Variants in KAZN observed in about 807,000 individuals in gnomAD.
KAZN encodes the protein kazrin.
KAZN carries 40 observed loss-of-function variants against 87.4 expected under a neutral mutation model. That is an observed-to-expected ratio of 0.46 (90% CI 0.36 to 0.60). The LOEUF is 0.60. Among genes scored for constraint, KAZN ranks in the 20% least tolerant of loss-of-function variants. The pLI is 0.00. For synonymous variants in KAZN, 466 were observed against 458.3 expected (o/e 1.02, Z -0.22); for missense variants, 898 against 1,073.9 (o/e 0.84, Z 2.29).
At chr1:14,159,156 T>A (rs7533748) in intron 1 of KAZN, among the ~76,000 whole-genome samples, 1 of 152,068 alleles carries the variant, frequency 6.6e-6, no homozygotes, top group South Asian at 2.1e-4. Context: ...AATCTGAAGA[T>A]AGCAAAGCCA....
At chr1:13,938,158 A>T (rs1224745259) in intron 1 of KAZN, among the ~76,000 whole-genome samples, 2 of 152,346 alleles carry the variant, frequency 1.3e-5, no homozygotes, top group East Asian at 3.9e-4. Flanking sequence ...CTTCCAATCC[A>T]TGAGCATGGA....
At chr1:14,997,465 C>T (rs1467688591) in intron 2 of KAZN, among the ~76,000 whole-genome samples, 3 of 152,032 alleles carry the variant, frequency 2.0e-5, no homozygotes, top group African/African-American at 4.8e-5. Context: ...GTCTCGCACT[C>T]CCGACCTCAG....
intron 2 of KAZN, among the ~76,000 whole-genome samples, chr1:14,369,602 T>A (rs1660305651): frequency 6.6e-6 from 1 of 152,120 alleles, no homozygotes; most frequent in African/African-American, 2.4e-5. Flanking sequence ...CCATGATGGG[T>A]TGCGAATGAT....
At chr1:15,072,165 C>T (rs1639533855) in intron 8 of KAZN, among the ~76,000 whole-genome samples, 1 of 152,210 alleles carries the variant, frequency 6.6e-6, no homozygotes, top group Non-Finnish European at 1.5e-5. Context: ...TTACCCTCCC[C>T]TCCTCGTAGG....
chr1:14,450,121 C>CA (rs903582819), intron 2 of KAZN, among the ~76,000 whole-genome samples: 5 of 54,372 alleles, frequency 9.2e-5, no homozygotes, highest in Non-Finnish European at 1.9e-4. Flanking sequence ...GAGAGTGCTG[C>CA]CCCCCCGCCT....
intron 2 of KAZN, among the ~76,000 whole-genome samples, chr1:14,462,240 A>G (rs1667896177): frequency 6.6e-6 from 1 of 151,878 alleles, no homozygotes; most frequent in African/African-American, 2.4e-5. Context: ...TTTCACCAAA[A>G]TTCCTGGCCA....
chr1:14,564,798 G>A (rs999798748), intron 2 of KAZN, among the ~76,000 whole-genome samples: 7 of 152,242 alleles, frequency 4.6e-5, no homozygotes, highest in South Asian at 2.1e-4. Flanking sequence ...GGGCAATAGA[G>A]TGAGACTCCG....
At chr1:14,076,780 T>C (rs1381594263) in intron 1 of KAZN, among the ~76,000 whole-genome samples, 7 of 152,134 alleles carry the variant, frequency 4.6e-5, no homozygotes, top group Non-Finnish European at 1.0e-4. Context: ...TCTGACCTTT[T>C]CTATAAAAAG....
chr1:14,457,886 C>T (rs1203664135), intron 2 of KAZN, among the ~76,000 whole-genome samples: 2 of 150,230 alleles, frequency 1.3e-5, no homozygotes, highest in African/African-American at 2.5e-5. Context: ...GGTGCAATCT[C>T]GGCTCACTGC....
intron 2 of KAZN, among the ~76,000 whole-genome samples, chr1:14,357,116 G>C (rs971877728): frequency 6.6e-6 from 1 of 152,134 alleles, no homozygotes; most frequent in African/African-American, 2.4e-5. Flanking sequence ...GTGGTTTGTA[G>C]TTCTCCTTGA....
At chr1:14,157,600 A>T (rs1351907296) in intron 1 of KAZN, among the ~76,000 whole-genome samples, 3 of 152,104 alleles carry the variant, frequency 2.0e-5, no homozygotes, top group Non-Finnish European at 4.4e-5. Flanking sequence ...TGCCAGAGGT[A>T]TTGGGGCCCC....
At chr1:14,186,575 T>C (rs1646310925) in intron 2 of KAZN, among the ~76,000 whole-genome samples, 1 of 152,156 alleles carries the variant, frequency 6.6e-6, no homozygotes, top group South Asian at 2.1e-4. Context: ...TTGATCAAGA[T>C]TCAAATTCTT....
intron 2 of KAZN, among the ~76,000 whole-genome samples, chr1:14,591,084 G>A (rs1035050023): frequency 6.6e-6 from 1 of 152,090 alleles, no homozygotes; most frequent in African/African-American, 2.4e-5. Context: ...GAGTGTAGGA[G>A]TGGCTAGAAC....
intron 2 of KAZN, among the ~76,000 whole-genome samples, chr1:14,514,043 G>C (rs910299974): frequency 1.3e-5 from 2 of 151,282 alleles, no homozygotes; most frequent in African/African-American, 2.4e-5. Flanking sequence ...TTTTTAGGCC[G>C]GGCGTGGTGG....
intron 1 of KAZN, among the ~76,000 whole-genome samples, chr1:14,850,969 C>A (rs1275781689): frequency 4.6e-5 from 7 of 152,180 alleles, no homozygotes; most frequent in Non-Finnish European, 7.4e-5. Context: ...AGAGACAGCA[C>A]GCAGTCTTTC....
In KAZN at chr1:14,918,390, A is replaced by C. The variant is rs1039202578; in HGVS notation, c.227-42294A>C. ...GTTCTCAGTTCAATATCCTGGGAGG[A>C]ATGGGGCTGGCATGGTGGCTCACCC... On this transcript the variant is annotated intron_variant, in intron 1 of 14. Coordinates refer to ENST00000376030, the MANE Select transcript of KAZN (RefSeq NM_201628.3). 2.8e-4 allele frequency among the ~76,000 whole-genome samples: 42 copies of C among 151,884 alleles called. 1 individual carries two copies. The highest frequency in any genetic ancestry group is 1.3e-4 in the Admixed American group (2 of 15,242).
chr1:14,448,195 G>C (rs1377467069), intron 2 of KAZN, among the ~76,000 whole-genome samples: 1 of 152,202 alleles, frequency 6.6e-6, no homozygotes, highest in Non-Finnish European at 1.5e-5. Context: ...TTACAGAGGA[G>C]GGCACTGAGA....
intron 1 of KAZN, among the ~76,000 whole-genome samples, chr1:14,669,283 G>A (rs1382311868): frequency 6.6e-6 from 1 of 152,140 alleles, no homozygotes; most frequent in African/African-American, 2.4e-5. Flanking sequence ...CTGGCTGAGT[G>A]CTCTGGGTTG....
chr1:14,451,192 T>A (rs1160746373), intron 2 of KAZN, among the ~76,000 whole-genome samples: 3 of 152,096 alleles, frequency 2.0e-5, no homozygotes, highest in African/African-American at 7.2e-5. Context: ...GGCCTTTCTT[T>A]ATAGTAATGC....
Sources: allele counts gnomAD v4.1 joint callset (sites outside exome capture counted in the v4.1 genomes callset), GRCh38; gene constraint gnomAD v4.1.1; transcripts MANE v1.5; gene names NCBI Gene and HGNC (gene_info 2026-07-23, HGNC 2026-07-21).